The following ADK variants were observed in gnomAD, a reference collection of about 807,000 sequenced individuals.
ADK encodes N6,N6-dimethyladenosine kinase.
In ADK, 24 loss-of-function variants were observed where a neutral mutation model predicts 44.7. The observed-to-expected ratio is 0.54, with a 90% CI of 0.39 to 0.76. The LOEUF (loss-of-function observed/expected upper bound fraction) is 0.76. Ranked by LOEUF, ADK falls within the 30% of genes least tolerant of loss-of-function variation. ADK has a pLI of 0.00. For synonymous variants in ADK, 128 were observed against 142.6 expected (o/e 0.90, Z 0.73); for missense variants, 321 against 425.1 (o/e 0.76, Z 2.15).
At chr10:74,277,793 A>C (rs944492741) in intron 3 of ADK, among the ~76,000 whole-genome samples, 2 of 152,080 alleles carry the variant, frequency 1.3e-5, no homozygotes, top group African/African-American at 4.8e-5. Flanking sequence ...TTGATTGTAC[A>C]TTGTGGTCAG....
At chr10:74,348,235 G>A (rs1841842352) in intron 4 of ADK, among the ~76,000 whole-genome samples, 1 of 152,170 alleles carries the variant, frequency 6.6e-6, no homozygotes, top group Admixed American at 6.5e-5. Flanking sequence ...TCTAGAGGAA[G>A]GACCAGGCAA....
intron 6 of ADK, among the ~76,000 whole-genome samples, chr10:74,434,210 A>C (rs1845104288): frequency 6.6e-6 from 1 of 152,178 alleles, no homozygotes; most frequent in South Asian, 2.1e-4. Flanking sequence ...TCAACAGAAG[A>C]GACAGAAAAG....
intron 2 of ADK, among the ~76,000 whole-genome samples, chr10:74,220,163 C>G (rs574209359): frequency 1.3e-5 from 2 of 151,698 alleles, no homozygotes; most frequent in African/African-American, 4.8e-5. Flanking sequence ...ATCAAATAGA[C>G]GCAATAAAAA....
At chr10:74,641,652 A>C (rs1853846180) in intron 9 of ADK, 1 of 152,240 alleles carries the variant, frequency 6.6e-6, no homozygotes, top group Non-Finnish European at 1.5e-5. Flanking sequence ...TACTACATAA[A>C]AGGATCAGCA....
At chr10:74,515,798 T>C (rs541238345) in intron 6 of ADK, among the ~76,000 whole-genome samples, 1 of 152,256 alleles carries the variant, frequency 6.6e-6, no homozygotes, top group South Asian at 2.1e-4. Context: ...TGGGTAGGAC[T>C]GGCAGACTGG....
intron 4 of ADK, among the ~76,000 whole-genome samples, chr10:74,345,017 T>A (rs931459516): frequency 2.0e-5 from 3 of 152,234 alleles, no homozygotes; most frequent in Non-Finnish European, 2.9e-5. Flanking sequence ...GGGCAAGCAT[T>A]GCAGCCGCTT....
intron 7 of ADK, among the ~76,000 whole-genome samples, chr10:74,558,414 G>A (rs368199905): frequency 6.6e-6 from 1 of 152,180 alleles, no homozygotes; most frequent in African/African-American, 2.4e-5. Flanking sequence ...AGGACCTGGC[G>A]AGAGGTGCTT....
chr10:74,314,662 T>C lies in ADK; in HGVS notation c.195-5T>C. ...TTACTTTTTTCTACTGTGATTTCCT[T>C]ATAGGTTTGATGAACTTGTGAAAAA... On this transcript the variant is annotated splice_region_variant and splice_polypyrimidine_tract_variant and intron_variant, in intron 3 of 10. Transcript: ENST00000539909. 6.2e-7 allele frequency: 1 copy of C among 1,608,960 alleles called. No homozygotes were observed.
chr10:74,274,555 ACT>A (rs1846584984), intron 3 of ADK, among the ~76,000 whole-genome samples: 1 of 150,698 alleles, frequency 6.6e-6, no homozygotes, highest in Non-Finnish European at 1.5e-5. Context: ...CAAGAGCAAG[ACT>A]CTGTCTTAAA....
intron 6 of ADK, among the ~76,000 whole-genome samples, chr10:74,456,883 G>T (rs1280362802): frequency 6.6e-6 from 1 of 152,040 alleles, no homozygotes; most frequent in Non-Finnish European, 1.5e-5. Flanking sequence ...AAACTGGAAA[G>T]ATCTAAAATG....
chr10:74,688,808 C>T (rs1447383218), intron 10 of ADK, among the ~76,000 whole-genome samples: 1 of 152,096 alleles, frequency 6.6e-6, no homozygotes, highest in East Asian at 1.9e-4. Flanking sequence ...CCCAGTTACT[C>T]AGGATGGTGA....
chr10:74,573,810 C>T (rs552022414), intron 7 of ADK, among the ~76,000 whole-genome samples: 2 of 152,328 alleles, frequency 1.3e-5, no homozygotes, highest in South Asian at 2.1e-4. Context: ...CCCTCCGAGC[C>T]AGGTGCGGGA....
At chr10:74,331,129 C>T (rs965841729) in intron 4 of ADK, among the ~76,000 whole-genome samples, 16 of 152,186 alleles carry the variant, frequency 1.1e-4, no homozygotes, top group African/African-American at 3.9e-4. Context: ...TAATATTTTA[C>T]ACCCGTATTG....
chr10:74,495,405 A>G (rs1847647418), intron 6 of ADK, among the ~76,000 whole-genome samples: 1 of 152,110 alleles, frequency 6.6e-6, no homozygotes, highest in African/African-American at 2.4e-5. Flanking sequence ...TAGACAATGT[A>G]CAAAATGAGA....
intron 7 of ADK, among the ~76,000 whole-genome samples, chr10:74,547,358 G>T (rs1849857743): frequency 1.3e-5 from 2 of 151,122 alleles, no homozygotes; most frequent in South Asian, 4.1e-4. Flanking sequence ...CATTTATAAA[G>T]AGTGTTGTCA....
chr10:74,406,551 A>C (rs1843940545), intron 6 of ADK, among the ~76,000 whole-genome samples: 1 of 150,466 alleles, frequency 6.6e-6, no homozygotes, highest in South Asian at 2.1e-4. Flanking sequence ...GAAGAAGAAG[A>C]AGAAGAAGAA....
chr10:74,642,473 G>A lies in ADK; in HGVS notation c.878-27710G>A, dbSNP rs937717687. ...TCCTGCCTTGGCTTCCCAAAGTACT[G>A]GTATTACAGGTATGAGCCAGTGCAC... On this transcript the variant is annotated intron_variant, in intron 9 of 10. Coordinates refer to ENST00000539909, the MANE Select transcript of ADK (RefSeq NM_006721.4). Among the ~76,000 whole-genome samples, 3 of 150,818 alleles carry A rather than the reference G, an allele frequency of 2.0e-5. No individual in the cohort carries two copies. In the East Asian group the frequency reaches 5.8e-4, roughly 29 times the overall value.
intron 9 of ADK, chr10:74,655,918 G>A: frequency 1.5e-6 from 1 of 682,864 alleles, no homozygotes; most frequent in South Asian, 1.5e-5. Context: ...GGTCAGGTTG[G>A]CAAGCTGCCC....
intron 3 of ADK, among the ~76,000 whole-genome samples, chr10:74,281,153 T>C (rs2132444972): frequency 6.6e-6 from 1 of 152,392 alleles, no homozygotes; most frequent in East Asian, 1.9e-4. Context: ...ATGGCTGTTA[T>C]GTGTTATACA....
Sources: gnomAD v4.1 joint callset for allele counts (sites outside exome capture counted in the v4.1 genomes callset) on GRCh38, gnomAD v4.1.1 for gene constraint, MANE v1.5 for transcripts, NCBI Gene and HGNC (gene_info 2026-07-23, HGNC 2026-07-21) for gene names.